The following GRID2 variants were observed in gnomAD, a reference collection of about 807,000 sequenced individuals.
The protein encoded by GRID2 is glutamate receptor ionotropic, delta-2.
A neutral mutation model predicts 114.8 loss-of-function variants in GRID2; 33 were observed. That is an observed-to-expected ratio of 0.29 (90% CI 0.22 to 0.38). GRID2 has a LOEUF of 0.38. Ranked by LOEUF, GRID2 falls within the 10% of genes least tolerant of loss-of-function variation. The pLI, the probability that GRID2 is intolerant of heterozygous loss-of-function variation, is 1.00. For synonymous variants in GRID2, 505 were observed against 449.9 expected (o/e 1.12, Z -1.55); for missense variants, 1,184 against 1,257.7 (o/e 0.94, Z 0.89).
At chr4:92,581,039 T>C (rs1728161066) in intron 1 of GRID2, among the ~76,000 whole-genome samples, 1 of 151,834 alleles carries the variant, frequency 6.6e-6, no homozygotes, top group Non-Finnish European at 1.5e-5. Flanking sequence ...ATTAGATGTA[T>C]GCAATAGAGA....
At chr4:92,453,776 AT>A (rs935515347) in intron 1 of GRID2, among the ~76,000 whole-genome samples, 6 of 152,084 alleles carry the variant, frequency 3.9e-5, no homozygotes, top group South Asian at 2.1e-4. Flanking sequence ...ATATTGATTG[AT>A]TTTTTTTACA....
intron 2 of GRID2, among the ~76,000 whole-genome samples, chr4:92,663,405 G>A (rs901770723): frequency 6.0e-5 from 9 of 151,076 alleles, no homozygotes; most frequent in Admixed American, 4.6e-4. Context: ...ATACTAGTCA[G>A]GAAGTAACTG....
At chr4:92,680,082 G>C in intron 2 of GRID2, among the ~76,000 whole-genome samples, 1 of 152,004 alleles carries the variant, frequency 6.6e-6, no homozygotes, top group East Asian at 1.9e-4. Flanking sequence ...TAAGAGGTCA[G>C]GAAGAACTCT....
At chr4:93,784,590 A>C (rs1442501237) in intron 1 of GRID2, among the ~76,000 whole-genome samples, 1 of 152,064 alleles carries the variant, frequency 6.6e-6, no homozygotes, top group Non-Finnish European at 1.5e-5. Context: ...GATGGAAAAA[A>C]AAAATTTGTT....
chr4:93,198,124 C>T (rs1741691560), intron 4 of GRID2, among the ~76,000 whole-genome samples: 1 of 152,098 alleles, frequency 6.6e-6, no homozygotes, highest in African/African-American at 2.4e-5. Context: ...AAATCTGACC[C>T]ATTCCTAGCA....
chr4:93,507,813 T>G (rs972480998), intron 12 of GRID2, among the ~76,000 whole-genome samples: 1 of 152,214 alleles, frequency 6.6e-6, no homozygotes, highest in Non-Finnish European at 1.5e-5. Context: ...TTGTGTTTTC[T>G]TTTTATTTGC....
At chr4:92,340,390 C>T (rs1727422139) in intron 1 of GRID2, among the ~76,000 whole-genome samples, 1 of 152,152 alleles carries the variant, frequency 6.6e-6, no homozygotes, top group African/African-American at 2.4e-5. Flanking sequence ...CTCAGAGACT[C>T]CATCAACATT....
At chr4:93,416,867 C>T (rs79716896) in intron 9 of GRID2, among the ~76,000 whole-genome samples, 1 of 152,044 alleles carries the variant, frequency 6.6e-6, no homozygotes, top group Non-Finnish European at 1.5e-5. Context: ...TTTCTACAAG[C>T]AGGTCTGTGG....
At chr4:93,448,859 C>G in intron 10 of GRID2, among the ~76,000 whole-genome samples, 1 of 19,474 alleles carries the variant, frequency 5.1e-5, no homozygotes, top group African/African-American at 2.6e-4. Flanking sequence ...CCCTTCCCTT[C>G]CCCTTCCCTT....
intron 1 of GRID2, among the ~76,000 whole-genome samples, chr4:92,569,303 C>T (rs1159716824): frequency 1.3e-5 from 2 of 152,020 alleles, no homozygotes; most frequent in Non-Finnish European, 2.9e-5. Flanking sequence ...AACATGATCT[C>T]ATTCATTTTT....
chr4:93,109,474 C>A (rs1732567116), intron 3 of GRID2, among the ~76,000 whole-genome samples: 1 of 152,090 alleles, frequency 6.6e-6, no homozygotes, highest in Non-Finnish European at 1.5e-5. Context: ...AATGTAGTTT[C>A]TAAATTTTTG....
intron 1 of GRID2, among the ~76,000 whole-genome samples, chr4:92,431,328 T>C (rs79285569): frequency 1.3e-5 from 2 of 152,194 alleles, no homozygotes; most frequent in Non-Finnish European, 2.9e-5. Flanking sequence ...TGTTGAATTT[T>C]ATCAAACACT....
At chr4:93,094,100 C>A (rs906071159) in intron 3 of GRID2, among the ~76,000 whole-genome samples, 4 of 151,830 alleles carry the variant, frequency 2.6e-5, no homozygotes, top group Admixed American at 6.6e-5. Context: ...TATTTCCAAG[C>A]GTTGAAGAAT....
intron 2 of GRID2, among the ~76,000 whole-genome samples, chr4:93,064,596 A>G (rs1728102787): frequency 6.6e-6 from 1 of 151,806 alleles, no homozygotes. Context: ...GTGACACTGC[A>G]TGGGTTTCAT....
In GRID2 at chr4:93,062,145, T is replaced by G. The variant is rs1259938058; in HGVS notation, c.245-22850T>G. On this transcript the variant is annotated intron_variant, in intron 2 of 15. Coordinates refer to ENST00000282020, the MANE Select transcript of GRID2 (RefSeq NM_001510.4). The stretch of plus-strand genomic sequence containing the variant: ...GCTATATAATTCATTCTAACAAATA[T>G]CACTTTTAAAGGGATTTGAGCTTAA... 2.6e-5 allele frequency among the ~76,000 whole-genome samples: 4 copies of G among 152,284 alleles called. No individual in the cohort carries two copies. In the East Asian group the frequency reaches 7.7e-4, roughly 29 times the overall value.
chr4:92,702,296 T>C (rs1734714225), intron 2 of GRID2: 1 of 152,180 alleles, frequency 6.6e-6, no homozygotes, highest in African/African-American at 2.4e-5. Flanking sequence ...GGTAATTGCA[T>C]AAAATGTAAA....
At chr4:93,417,941 G>A (rs1040681781) in intron 9 of GRID2, among the ~76,000 whole-genome samples, 2 of 150,360 alleles carry the variant, frequency 1.3e-5, no homozygotes, top group Non-Finnish European at 3.0e-5. Context: ...GTATAGTTTG[G>A]TGCCCAGTAT....
chr4:93,656,256 T>G (rs1239287266), intron 14 of GRID2, among the ~76,000 whole-genome samples: 1 of 152,052 alleles, frequency 6.6e-6, no homozygotes, highest in Non-Finnish European at 1.5e-5. Context: ...CAGATAAATG[T>G]ATTTTGTCTA....
intron 14 of GRID2, among the ~76,000 whole-genome samples, chr4:93,709,505 C>G (rs1035930564): frequency 6.6e-6 from 1 of 152,060 alleles, no homozygotes; most frequent in African/African-American, 2.4e-5. Context: ...CTTTTAGAAT[C>G]CTTTCTTTAT....
Sources: gnomAD v4.1 joint callset for allele counts (sites outside exome capture counted in the v4.1 genomes callset) on GRCh38, gnomAD v4.1.1 for gene constraint, MANE v1.5 for transcripts, NCBI Gene and HGNC (gene_info 2026-07-23, HGNC 2026-07-21) for gene names.